MIPOL1: variants seen among roughly 807,000 people sequenced by gnomAD.
The protein encoded by MIPOL1 is mirror-image polydactyly 1.
MIPOL1 carries 57 observed loss-of-function variants against 60.9 expected under a neutral mutation model. That is an observed-to-expected ratio of 0.94 (90% confidence interval 0.76 to 1.17). MIPOL1 has a LOEUF of 1.17. Ranked by LOEUF, MIPOL1 falls within the 50% of genes most tolerant of loss-of-function variation. The pLI is 0.00. For missense variants in MIPOL1, 551 were observed against 511.6 expected (o/e 1.08, Z -0.74); for synonymous variants, 179 against 168.8 (o/e 1.06, Z -0.47).
At chr14:37,248,865 C>T (rs547962483) in intron 3 of MIPOL1, among the ~76,000 whole-genome samples, 1 of 151,924 alleles carries the variant, frequency 6.6e-6, no homozygotes, top group Non-Finnish European at 1.5e-5. Flanking sequence ...CAGGTATGCA[C>T]GTGTGGAGGA....
chr14:37,442,911 C>T (rs185034460), intron 11 of MIPOL1, among the ~76,000 whole-genome samples: 62 of 152,170 alleles, frequency 4.1e-4, no homozygotes, highest in African/African-American at 1.5e-3. Context: ...TAAGAATCTA[C>T]AAATTCAACA....
At chr14:37,457,260 A>G (rs988928165) in intron 11 of MIPOL1, among the ~76,000 whole-genome samples, 2 of 152,254 alleles carry the variant, frequency 1.3e-5, no homozygotes, top group Admixed American at 6.5e-5. Flanking sequence ...TAAAATCTTC[A>G]TTCTGAAAGT....
intron 1 of MIPOL1, among the ~76,000 whole-genome samples, chr14:37,201,583 A>G (rs1965353685): frequency 1.3e-5 from 2 of 152,118 alleles, no homozygotes; most frequent in Non-Finnish European, 2.9e-5. Flanking sequence ...TGACATTTTT[A>G]TCTAGTGATT....
At chr14:37,264,769 A>G (rs2082752273) in intron 3 of MIPOL1, among the ~76,000 whole-genome samples, 1 of 152,208 alleles carries the variant, frequency 6.6e-6, no homozygotes, top group African/African-American at 2.4e-5. Context: ...TTATTTCAAA[A>G]TGAAAAGGTA....
chr14:37,323,175 G>C (rs1435537646), intron 9 of MIPOL1, among the ~76,000 whole-genome samples: 1 of 152,066 alleles, frequency 6.6e-6, no homozygotes, highest in Non-Finnish European at 1.5e-5. Context: ...AAGGCATCCA[G>C]TTTCAGTTTT....
At chr14:37,453,676 A>G (rs972948429) in intron 11 of MIPOL1, among the ~76,000 whole-genome samples, 4 of 152,158 alleles carry the variant, frequency 2.6e-5, no homozygotes, top group African/African-American at 4.8e-5. Context: ...AATTCGTGTC[A>G]TTTTAATATT....
chr14:37,223,559 A>C (rs375824096), intron 1 of MIPOL1, among the ~76,000 whole-genome samples: 1 of 151,136 alleles, frequency 6.6e-6, no homozygotes, highest in Admixed American at 6.6e-5. Context: ...CTGGAGTGCA[A>C]TGGCGCGATC....
At chr14:37,459,405 A>G (rs1301089711) in intron 11 of MIPOL1, among the ~76,000 whole-genome samples, 1 of 152,348 alleles carries the variant, frequency 6.6e-6, no homozygotes, top group Non-Finnish European at 1.5e-5. Context: ...CACACAAACT[A>G]GAAAACCTAG....
chr14:37,395,294 G>A (rs1165138582), intron 10 of MIPOL1, among the ~76,000 whole-genome samples: 2 of 152,054 alleles, frequency 1.3e-5, no homozygotes, highest in African/African-American at 2.4e-5. Flanking sequence ...GAATGATGGT[G>A]GTATTTTGAT....
At chr14:37,332,448 C>G (rs1319430569) in intron 9 of MIPOL1, among the ~76,000 whole-genome samples, 3 of 152,114 alleles carry the variant, frequency 2.0e-5, no homozygotes, top group African/African-American at 7.2e-5. Context: ...TAACTTTTGA[C>G]TCCCCAAAAC....
chr14:37,513,477 G>T (rs1269644081), intron 12 of MIPOL1, among the ~76,000 whole-genome samples: 1 of 152,112 alleles, frequency 6.6e-6, no homozygotes, highest in East Asian at 1.9e-4. Flanking sequence ...TCTCATGTTG[G>T]TATGAAGAAG....
chr14:37,440,414 C>T (rs1034839008), intron 11 of MIPOL1, among the ~76,000 whole-genome samples: 1 of 152,022 alleles, frequency 6.6e-6, no homozygotes, highest in African/African-American at 2.4e-5. Context: ...TTATCATTAT[C>T]TACCCCCTTT....
At chr14:37,391,159 C>T (rs2093226063) in intron 10 of MIPOL1, among the ~76,000 whole-genome samples, 1 of 151,392 alleles carries the variant, frequency 6.6e-6, no homozygotes, top group African/African-American at 2.4e-5. Context: ...AATTCTATAC[C>T]TAGTTTAAAT....
intron 3 of MIPOL1, among the ~76,000 whole-genome samples, chr14:37,254,403 AGTTC>A (rs1370188456): frequency 6.6e-6 from 1 of 151,862 alleles, no homozygotes; most frequent in Non-Finnish European, 1.5e-5. Flanking sequence ...TAATATGAAT[AGTTC>A]ATGTTGGTGA....
chr14:37,271,202 C>G (rs1180402856), intron 6 of MIPOL1, among the ~76,000 whole-genome samples: 2 of 152,010 alleles, frequency 1.3e-5, no homozygotes, highest in Non-Finnish European at 1.5e-5. Flanking sequence ...TGATCTCCAT[C>G]TGTGTATGCC....
chr14:37,271,449 T>C (rs1436577323), intron 6 of MIPOL1, among the ~76,000 whole-genome samples: 2 of 151,898 alleles, frequency 1.3e-5, no homozygotes, highest in Non-Finnish European at 2.9e-5. Flanking sequence ...GTCAGAAATA[T>C]GATTAACTAG....
intron 9 of MIPOL1, among the ~76,000 whole-genome samples, chr14:37,316,913 G>A (rs1447985046): frequency 1.3e-5 from 2 of 152,102 alleles, no homozygotes; most frequent in South Asian, 2.1e-4. Flanking sequence ...AGGAGGCGGA[G>A]GTTGCAGTGA....
rs146916908 is a variant in MIPOL1 at position 37,444,606 on chromosome 14, T to A, written c.1031+21657T>A. Among the ~76,000 whole-genome samples the A allele has an allele frequency of 4.6e-5, 7 of 152,322 alleles. No individual in the cohort carries two copies. The East Asian group carries it at 1.2e-3, about 25-fold the overall frequency. The stretch of plus-strand genomic sequence containing the variant: ...AAGACACAGTTGGAGGAATACCTGA[T>A]TTCAAGATATATTCTGTAAAGTCAC... On this transcript the variant is annotated intron_variant, in intron 11 of 12. Transcript: ENST00000684589.
intron 3 of MIPOL1, among the ~76,000 whole-genome samples, chr14:37,253,376 G>A (rs988452445): frequency 2.6e-5 from 4 of 151,812 alleles, no homozygotes; most frequent in East Asian, 1.9e-4. Flanking sequence ...GGACCATTGC[G>A]AAGATGAGGA....
Sources: allele counts gnomAD v4.1 joint callset (sites outside exome capture counted in the v4.1 genomes callset), GRCh38; gene constraint gnomAD v4.1.1; transcripts MANE v1.5; gene names NCBI Gene and HGNC (gene_info 2026-07-23, HGNC 2026-07-21).